Variants in CREBL2 observed in about 807,000 individuals in gnomAD.
CREBL2 encodes the protein cAMP responsive element binding protein like 2.
Under a neutral mutation model 19.5 loss-of-function variants are expected in CREBL2, and 4 were observed. That is an observed-to-expected ratio of 0.20 (90% CI 0.10 to 0.47). CREBL2 has a LOEUF of 0.47. CREBL2 is among the 20% of genes least tolerant of loss of function. The pLI, the probability that CREBL2 is intolerant of heterozygous loss-of-function variation, is 0.98. For missense variants in CREBL2, 85 were observed against 145.1 expected (o/e 0.59, Z 2.13); for synonymous variants, 42 against 46.6 (o/e 0.90, Z 0.40).
chr12:12,622,278 T>C (rs1220714087), intron 1 of CREBL2, among the ~76,000 whole-genome samples: 1 of 152,166 alleles, frequency 6.6e-6, no homozygotes, highest in African/African-American at 2.4e-5. Flanking sequence ...AAGACCATAT[T>C]AGAGACTTTA....
intron 1 of CREBL2, among the ~76,000 whole-genome samples, chr12:12,630,726 A>T (rs1945437244): frequency 6.6e-6 from 1 of 152,180 alleles, no homozygotes; most frequent in Admixed American, 6.5e-5. Context: ...TTTAAAACAA[A>T]CAAAAAGGTG....
chr12:12,618,274 CG>C (rs1566104760), intron 1 of CREBL2, among the ~76,000 whole-genome samples: 1 of 151,600 alleles, frequency 6.6e-6, no homozygotes, highest in Non-Finnish European at 1.5e-5. Flanking sequence ...ACTTCCCAGA[CG>C]GGGCGGCTGC....
intron 1 of CREBL2, among the ~76,000 whole-genome samples, chr12:12,618,275 G>A (rs868841760): frequency 7.9e-5 from 12 of 151,344 alleles, no homozygotes; most frequent in African/African-American, 2.2e-4. Flanking sequence ...CTTCCCAGAC[G>A]GGGCGGCTGC....
In CREBL2 at chr12:12,643,913, G is replaced by T. The variant is rs1190284176; in HGVS notation, c.*1915G>T. ...CCACTCAATTGTATATTTTTATTTT[G>T]CAAAACAACCCAAAACTTACTTTAT... On this transcript the variant is annotated 3_prime_UTR_variant, in exon 4 of 4. Coordinates refer to ENST00000228865, the MANE Select transcript of CREBL2 (RefSeq NM_001310.4). 2 of 152,512 alleles carry T rather than the reference G, an allele frequency of 1.3e-5. No homozygotes were observed. The highest frequency in any genetic ancestry group is 4.8e-5 in the African/African-American group (2 of 41,406). The allele number at this position is 152,512 out of a possible 1,614,324, so 9.4% of individuals were successfully genotyped here.
At position 12,622,593 on chromosome 12, in the gene CREBL2, A is replaced by C. The variant is rs143230145; in HGVS notation, c.15+10406A>C. Among the ~76,000 whole-genome samples the C allele has an allele frequency of 9.8e-4, 150 of 152,358 alleles. 4 individuals carry two copies. The East Asian group carries it at 0.023, about 23-fold the overall frequency. On this transcript the variant is annotated intron_variant, in intron 1 of 3. Coordinates refer to ENST00000228865, the MANE Select transcript of CREBL2 (RefSeq NM_001310.4). The stretch of plus-strand genomic sequence containing the variant: ...GTTAACTCTCAGGCTAGAGATGCCT[A>C]CTTGATCTTTCTCCTGTCGACTAGA...
intron 3 of CREBL2, among the ~76,000 whole-genome samples, chr12:12,639,318 A>G (rs1945500240): frequency 6.6e-6 from 1 of 152,206 alleles, no homozygotes; most frequent in Non-Finnish European, 1.5e-5. Context: ...ATGTATACCT[A>G]GGAGTCAAAT....
At position 12,635,899 on chromosome 12, in the gene CREBL2, G is replaced by A; in HGVS notation, c.138G>A (p.Leu46=). 1.2e-6 allele frequency: 2 copies of A among 1,614,192 alleles called. No homozygotes were observed. Among genetic ancestry groups the A allele is most frequent in the Non-Finnish European group, 1.7e-6 (2 of 1,180,034 alleles). The part of the protein sequence containing the change: ...SARECRARKK[L]RYQYLEELVS... ...GAGAATGCCGAGCCCGAAAAAAGCT[G>A]AGATATCAGTATTTGGAAGAGTTGG... The change falls in exon 2 of 4, where the codon CTG becomes CTA. Residue 46 remains leucine (L), a synonymous_variant. Coordinates refer to ENST00000228865, the MANE Select transcript of CREBL2 (RefSeq NM_001310.4).
rs147028854 is a variant in CREBL2, at chr12:12,613,426, TTGC to T, written c.15+1249_15+1251del. On this transcript the variant is annotated intron_variant, in intron 1 of 3. Transcript: ENST00000228865. The stretch of plus-strand genomic sequence containing the variant: ...TTGTCCTTTGTTTGGGTGTCTTTTT[TTGC>T]TGCTGCTGCAGTTTTTGTTTCACAT... 6.9e-3 allele frequency among the ~76,000 whole-genome samples: 1,050 copies of T among 152,348 alleles called. 5 individuals are homozygous for T. Among genetic ancestry groups the T allele is most frequent in the African/African-American group, 0.023 (974 of 41,570 alleles).
At chr12:12,641,916 T>A (rs545700004) in intron 3 of CREBL2, 78 bp from the exon 4 acceptor site, 20 of 950,940 alleles carry the variant, frequency 2.1e-5, no homozygotes, top group African/African-American at 1.2e-4. Context: ...AAAAAAAAAA[T>A]TTATGCATCT....
At chr12:12,635,689 A>G (rs1945469672) in intron 1 of CREBL2, 88 bp from the exon 2 acceptor site, 1 of 1,454,614 alleles carries the variant, frequency 6.9e-7, no homozygotes, top group African/African-American at 1.4e-5. Context: ...TTTTGTTTAT[A>G]AATGTTCTCT....
At chr12:12,630,621 A>C (rs1202781444) in intron 1 of CREBL2, among the ~76,000 whole-genome samples, 2 of 152,078 alleles carry the variant, frequency 1.3e-5, no homozygotes, top group Non-Finnish European at 2.9e-5. Context: ...ATTTATCATT[A>C]CATTCTATCT....
chr12:12,631,876 A>C (rs950074956), intron 1 of CREBL2, among the ~76,000 whole-genome samples: 7 of 152,070 alleles, frequency 4.6e-5, no homozygotes, highest in Non-Finnish European at 8.8e-5. Context: ...GTTATAGCTA[A>C]GATTTACAAT....
At chr12:12,626,601 T>C (rs1945403361) in intron 1 of CREBL2, among the ~76,000 whole-genome samples, 3 of 152,182 alleles carry the variant, frequency 2.0e-5, no homozygotes, top group Admixed American at 2.0e-4. Flanking sequence ...ATTCACCCTT[T>C]TAATTTGTTC....
At chr12:12,626,061 C>T (rs1945398802) in intron 1 of CREBL2, among the ~76,000 whole-genome samples, 1 of 152,126 alleles carries the variant, frequency 6.6e-6, no homozygotes, top group Non-Finnish European at 1.5e-5. Context: ...CGCTTTCTGA[C>T]CACACACCCT....
intron 2 of CREBL2, among the ~76,000 whole-genome samples, chr12:12,636,218 A>G (rs1294591032): frequency 6.6e-6 from 1 of 152,170 alleles, no homozygotes; most frequent in African/African-American, 2.4e-5. Context: ...ACCCAGATGG[A>G]CAATAATAAA....
intron 1 of CREBL2, among the ~76,000 whole-genome samples, chr12:12,633,349 C>T (rs1169982428): frequency 3.3e-5 from 5 of 152,048 alleles, no homozygotes; most frequent in African/African-American, 1.2e-4. Flanking sequence ...GCAGGAGAAT[C>T]GGTTGAACCT....
In CREBL2 at chr12:12,641,247, A is replaced by ATTTTTTTTTTTTT. The variant is rs1380373401; in HGVS notation, c.359-745_359-744insTTTTTTTTTTTTT. 5.0e-4 allele frequency among the ~76,000 whole-genome samples: 11 copies of ATTTTTTTTTTTTT among 22,080 alleles called. 1 individual carries two copies. Among genetic ancestry groups the ATTTTTTTTTTTTT allele is most frequent in the Middle Eastern group, 0.033 (1 of 30 alleles). 14.5% of individuals were successfully genotyped at this position (22,080 alleles called of 152,430 possible). A position where few individuals can be genotyped will look rare whatever the true frequency, so the allele number is the denominator to read the frequency against. Reference sequence around the variant, plus strand: ...AACCTTTATTATTATTATTATTATTATTATTATTTTTTTTTATTTTTTTTT... The same window carrying ATTTTTTTTTTTTT: ...AACCTTTATTATTATTATTATTATTATTTTTTTTTTTTTTTATTATTTTTTTTTATTTTTTTTT... On this transcript the variant is annotated intron_variant, in intron 3 of 3. Coordinates refer to ENST00000228865, the MANE Select transcript of CREBL2 (RefSeq NM_001310.4).
intron 1 of CREBL2, among the ~76,000 whole-genome samples, chr12:12,634,352 T>C (rs1406468398): frequency 6.6e-6 from 1 of 152,198 alleles, no homozygotes; most frequent in African/African-American, 2.4e-5. Context: ...CTAATAATTG[T>C]GCCTAGGCAG....
intron 3 of CREBL2, among the ~76,000 whole-genome samples, chr12:12,640,690 A>G (rs531052865): frequency 1.2e-3 from 185 of 152,310 alleles, no homozygotes; most frequent in South Asian, 0.01. Flanking sequence ...AATCTTCACA[A>G]TTTATGTTCC....
Sources: gnomAD v4.1 joint callset for allele counts (sites outside exome capture counted in the v4.1 genomes callset) on GRCh38, gnomAD v4.1.1 for gene constraint, MANE v1.5 for transcripts, NCBI Gene and HGNC (gene_info 2026-07-23, HGNC 2026-07-21) for gene names.